Variants in LRSAM1 observed in about 807,000 individuals in gnomAD.
The protein encoded by LRSAM1 is leucine rich repeat and sterile alpha motif containing 1, also known as E3 ubiquitin-protein ligase LRSAM1.
A neutral mutation model predicts 118.1 loss-of-function variants in LRSAM1; 96 were observed. The observed-to-expected ratio is 0.81, with a 90% CI of 0.69 to 0.96. The LOEUF is 0.96. Among genes scored for constraint, LRSAM1 ranks in the 40% least tolerant of loss-of-function variants. The pLI is 0.00. For missense variants in LRSAM1, 804 were observed against 915.5 expected, an observed-to-expected ratio of 0.88 and a Z score of 1.57; for synonymous variants, 322 against 364.2, an observed-to-expected ratio of 0.88 and a Z score of 1.32.
intron 9 of LRSAM1, among the ~76,000 whole-genome samples, chr9:127,466,801 C>T (rs1204593087): frequency 1.3e-4 from 20 of 151,798 alleles, no homozygotes; most frequent in Admixed American, 1.3e-3. Flanking sequence ...GGGCCCAAGA[C>T]TTTGAGACTA....
chr9:127,498,638 G>A (rs369138759), intron 24 of LRSAM1, among the ~76,000 whole-genome samples: 142 of 152,336 alleles, frequency 9.3e-4, no homozygotes, highest in African/African-American at 3.4e-3. Flanking sequence ...AGGGCTTCCT[G>A]CTTGTGCCCA....
In LRSAM1 at chr9:127,481,189, GA is replaced by G. The variant is rs1413700705; in HGVS notation, c.1054del (p.Ser352AlafsTer5). ...KLLQDNQRQKKSSEILKSLEN... is the reference protein window; with the variant it reads ...KLLQDNQRQKXSSEILKSLEN... ...TTTATGATTTTCTCCACAGACAAAAGAAAAGCTCCGAGATTTTGAAATCGCT... is the reference window on the plus strand; with the variant it reads ...TTTATGATTTTCTCCACAGACAAAAGAAAGCTCCGAGATTTTGAAATCGCT... On this transcript the variant is annotated frameshift_variant, in exon 15 of 26. Coordinates refer to ENST00000300417, the MANE Select transcript of LRSAM1 (RefSeq NM_001005373.4). LOFTEE classifies it high-confidence loss of function. 2 of 1,613,556 alleles carry G rather than the reference GA, an allele frequency of 1.2e-6. No homozygotes were observed. Among genetic ancestry groups the G allele is most frequent in the Non-Finnish European group, 1.7e-6 (2 of 1,179,938 alleles).
chr9:127,455,195 C>G (rs1834470944), intron 4 of LRSAM1, 141 bp downstream of exon 4: 1 of 922,844 alleles, frequency 1.1e-6, no homozygotes, highest in Non-Finnish European at 1.8e-6. Flanking sequence ...AGATTTTGTT[C>G]TCGTCCAAAA....
intron 24 of LRSAM1, among the ~76,000 whole-genome samples, chr9:127,499,271 G>T (rs1037012248): frequency 1.3e-5 from 2 of 152,086 alleles, no homozygotes; most frequent in Non-Finnish European, 2.9e-5. Flanking sequence ...CTACTCGGGG[G>T]GCAAAGGTGG....
chr9:127,455,680 C>A, intron 5 of LRSAM1, 60 bp downstream of exon 5: 1 of 1,547,254 alleles, frequency 6.5e-7, no homozygotes, highest in Non-Finnish European at 8.9e-7. Flanking sequence ...TTTGAACCCA[C>A]AAGGGACTTT....
intron 4 of LRSAM1, 95 bp downstream of exon 4, chr9:127,455,149 G>A: frequency 8.3e-7 from 1 of 1,199,958 alleles, no homozygotes. Context: ...TGGGGCTTTA[G>A]AAAGGCCAGA....
Position 127,496,030 on chromosome 9 carries a change from A to G in LRSAM1, c.1765A>G (p.Ile589Val). ...EELSAEHYLP[I>V]FAHHRLSLDL... The stretch of plus-strand genomic sequence containing the variant: ...GCTGTCGGCTGAGCACTACCTGCCC[A>G]TCTTTGCGCACCACCGCCTCTCACT... Residue 589 changes from isoleucine (I) to valine (V), a missense_variant, in exon 23 of 26, where the codon ATC (isoleucine) becomes GTC (valine). Physicochemically the swap from Ile to Val is conservative, Grantham distance 29. Coordinates refer to ENST00000300417, the MANE Select transcript of LRSAM1 (RefSeq NM_001005373.4). 1.9e-6 allele frequency: 3 copies of G among 1,612,612 alleles called. No individual in the cohort carries two copies. The highest frequency in any genetic ancestry group is 2.5e-6 in the Non-Finnish European group (3 of 1,179,988).
chr9:127,466,493 TATATA>T (rs1564258601), intron 9 of LRSAM1, among the ~76,000 whole-genome samples: 25 of 18,064 alleles, frequency 1.4e-3, no homozygotes, highest in Non-Finnish European at 2.0e-3. Context: ...TATATATATA[TATATA>T]TATATATTTT....
At position 127,479,497 on chromosome 9, in the gene LRSAM1, G is replaced by A; in HGVS notation, c.895G>A (p.Val299Ile). ...CCAGAAGGATGAGATCCTTCAGACGGTCAAGGAGGTTTGTGAGCCGCCTGC... is the reference window on the plus strand; with the variant it reads ...CCAGAAGGATGAGATCCTTCAGACGATCAAGGAGGTTTGTGAGCCGCCTGC... ...SSQKDEILQT[V>I]KEEQSRLEQG... The change falls in exon 13 of 26, where the codon GTC becomes ATC. Residue 299 changes from valine (V) to isoleucine (I), a missense_variant. Val to Ile is a conservative substitution (Grantham distance 29). Transcript: ENST00000300417. 1 of 1,613,980 alleles carries A rather than the reference G, an allele frequency of 6.2e-7. No homozygotes were observed. Among genetic ancestry groups the A allele is most frequent in the South Asian group, 1.1e-5 (1 of 91,070 alleles).
intron 24 of LRSAM1, 105 bp from the exon 25 acceptor site, chr9:127,500,895 GCTCCCCCACC>G: frequency 1.4e-6 from 2 of 1,437,606 alleles, no homozygotes; most frequent in Non-Finnish European, 1.9e-6. Flanking sequence ...GAGAGCAGAG[GCTCCCCCACC>G]CTCCAGCTCA....
intron 11 of LRSAM1, 68 bp downstream of exon 11, chr9:127,473,999 G>T: frequency 6.2e-7 from 1 of 1,608,174 alleles, no homozygotes; most frequent in Non-Finnish European, 8.5e-7. Flanking sequence ...TGTGTTGAGG[G>T]AGCTGGGAAT....
chr9:127,462,315 T>C lies in LRSAM1; in HGVS notation c.470T>C (p.Ile157Thr). The C allele has an allele frequency of 1.2e-6, 2 of 1,614,050 alleles. No individual in the cohort carries two copies. The highest frequency in any genetic ancestry group is 8.5e-7 in the Non-Finnish European group (1 of 1,180,008). The part of the protein sequence containing the change: ...GELRSLRTLN[I>T]SGNEIQRLPQ... ...CTTCGAAGCCTGCGTACCCTCAACA[T>C]CAGTGGAAACGAGATCCAGAGATTG... Residue 157 changes from isoleucine to threonine, a missense_variant, in exon 9 of 26, where the codon ATC (isoleucine) becomes ACC (threonine). Ile to Thr is a moderately conservative substitution (Grantham distance 89, BLOSUM62 -1). Coordinates refer to ENST00000300417, the MANE Select transcript of LRSAM1 (RefSeq NM_001005373.4).
At chr9:127,484,285 C>CTTTTT (rs1301004172) in intron 16 of LRSAM1, among the ~76,000 whole-genome samples, 3 of 141,852 alleles carry the variant, frequency 2.1e-5, no homozygotes, top group Non-Finnish European at 3.0e-5. Flanking sequence ...TTTTTTCCTG[C>CTTTTT]TTCTTTATTT....
At chr9:127,461,803 C>T (rs1417713567) in intron 8 of LRSAM1, among the ~76,000 whole-genome samples, 12 of 152,248 alleles carry the variant, frequency 7.9e-5, no homozygotes, top group Non-Finnish European at 1.5e-5. Flanking sequence ...CTCGCCACAC[C>T]CAGCTCTCTC....
At chr9:127,497,149 G>A (rs1836178436) in intron 23 of LRSAM1, 104 bp from the exon 24 acceptor site, 3 of 1,145,472 alleles carry the variant, frequency 2.6e-6, no homozygotes, top group Admixed American at 3.6e-5. Flanking sequence ...ATTTCCAGCA[G>A]GAGGTGTCGA....
chr9:127,501,590 G>A (rs945077543), intron 25 of LRSAM1, among the ~76,000 whole-genome samples: 3 of 152,114 alleles, frequency 2.0e-5, no homozygotes, highest in African/African-American at 7.2e-5. Context: ...AAATCAGCCA[G>A]GCGTGGTGGT....
At position 127,469,888 on chromosome 9, in the gene LRSAM1, C is replaced by G. The variant is rs540566362; in HGVS notation, c.619+2058C>G. 2.0e-5 allele frequency among the ~76,000 whole-genome samples: 3 copies of G among 152,048 alleles called. No individual in the cohort carries two copies. The South Asian group carries it at 6.2e-4, about 32-fold the overall frequency. The stretch of plus-strand genomic sequence containing the variant: ...GCTGAAGCAGGAGAATGGCGTGAAC[C>G]CGGGAGGAGGAGCTTGCAGTGAGCC... On this transcript the variant is annotated intron_variant, in intron 10 of 25. Transcript: ENST00000300417.
At chr9:127,467,942 C>G (rs927690600) in intron 10 of LRSAM1, 112 bp downstream of exon 10, 1 of 1,048,638 alleles carries the variant, frequency 9.5e-7, no homozygotes, top group Non-Finnish European at 1.4e-6. Context: ...ACAGTGCCTA[C>G]CTGCTTGGAG....
At chr9:127,493,155 G>A (rs778343243) in intron 21 of LRSAM1, among the ~76,000 whole-genome samples, 13 of 152,150 alleles carry the variant, frequency 8.5e-5, no homozygotes, top group Non-Finnish European at 1.6e-4. Context: ...TTGACTTCCT[G>A]GGCTCAAGCG....
Sources: allele counts gnomAD v4.1 joint callset (sites outside exome capture counted in the v4.1 genomes callset), GRCh38; gene constraint gnomAD v4.1.1; transcripts MANE v1.5; gene names NCBI Gene and HGNC (gene_info 2026-07-23, HGNC 2026-07-21).